The following KCNN1 variants were observed in gnomAD, a reference collection of about 807,000 sequenced individuals.
The protein encoded by KCNN1 is small conductance calcium-activated potassium channel protein 1.
In KCNN1, 20 loss-of-function variants were observed where a neutral mutation model predicts 44.7. The observed-to-expected ratio is 0.45, with a 90% confidence interval of 0.32 to 0.65. The LOEUF (loss-of-function observed/expected upper bound fraction) is 0.65. Among genes scored for constraint, KCNN1 ranks in the 30% least tolerant of loss-of-function variants. The probability of loss-of-function intolerance (pLI) is 0.05; values close to 1 mark genes in which losing one functional copy is unlikely to be tolerated. For synonymous variants in KCNN1, 324 were observed against 341.7 expected (o/e 0.95, Z 0.57); for missense variants, 632 against 785.3 (o/e 0.80, Z 2.33).
At chr19:17,982,758 G>T (rs999638464) in intron 4 of KCNN1, among the ~76,000 whole-genome samples, 9 of 152,196 alleles carry the variant, frequency 5.9e-5, no homozygotes, top group Non-Finnish European at 5.9e-5. Context: ...TCCACTGGGC[G>T]TCCTCTCCGA....
chr19:17,974,307 C>A lies in KCNN1; in HGVS notation c.402+17C>A. ...TACACCAAGGTAGGCGTGGTCCTCCCCCAGGCACTCCAGGGAGGTTCCACC... is the reference window on the plus strand; with the variant it reads ...TACACCAAGGTAGGCGTGGTCCTCCACCAGGCACTCCAGGGAGGTTCCACC... On this transcript the variant is annotated intron_variant, in intron 2 of 9. Coordinates refer to ENST00000684775, the MANE Select transcript of KCNN1 (RefSeq NM_001386974.1). This position sits in a 1 kb window ranked among gnomAD's most constrained non-coding sequence, Gnocchi z 7.3. 1 of 1,539,402 alleles carries A rather than the reference C, an allele frequency of 6.5e-7. No individual in the cohort carries two copies.
intron 1 of KCNN1, among the ~76,000 whole-genome samples, chr19:17,970,753 G>A (rs949330803): frequency 6.6e-6 from 1 of 152,040 alleles, no homozygotes; most frequent in East Asian, 1.9e-4. Flanking sequence ...GCACTCCTGT[G>A]TGCTGACACC....
chr19:17,984,364 G>A (rs1226948702), intron 4 of KCNN1, among the ~76,000 whole-genome samples: 1 of 152,136 alleles, frequency 6.6e-6, no homozygotes, highest in Non-Finnish European at 1.5e-5. Flanking sequence ...ACTGTGCCTG[G>A]CACAGGCCTC....
intron 7 of KCNN1, among the ~76,000 whole-genome samples, chr19:17,990,742 G>GT (rs1226161306): frequency 6.8e-6 from 1 of 147,798 alleles, no homozygotes; most frequent in African/African-American, 2.5e-5. Context: ...GGAGCTCGCA[G>GT]TAAGCTGAGA....
At chr19:17,961,042 C>T (rs555787244) in intron 2 of KCNN1, among the ~76,000 whole-genome samples, 12 of 151,854 alleles carry the variant, frequency 7.9e-5, no homozygotes, top group Non-Finnish European at 1.2e-4. Flanking sequence ...AAAAATTAGC[C>T]GGCTGTGGTG....
At chr19:17,990,799 C>CAAA (rs1252211442) in intron 7 of KCNN1, among the ~76,000 whole-genome samples, 2 of 54,860 alleles carry the variant, frequency 3.6e-5, no homozygotes, top group Non-Finnish European at 3.8e-5. Context: ...GACTCTGTCT[C>CAAA]AAAAAAAAAA....
intron 9 of KCNN1, among the ~76,000 whole-genome samples, chr19:17,996,555 G>A (rs973254969): frequency 2.3e-4 from 35 of 152,116 alleles, no homozygotes; most frequent in Non-Finnish European, 4.3e-4. Context: ...GCAGTGAGCC[G>A]AGATCATGCC....
At chr19:17,975,217 C>A in intron 3 of KCNN1, 30 bp downstream of exon 3, 1 of 1,548,338 alleles carries the variant, frequency 6.5e-7, no homozygotes, top group Non-Finnish European at 8.9e-7. Context: ...GGAAGCAGCT[C>A]CTCTCCTCAA....
intron 3 of KCNN1, among the ~76,000 whole-genome samples, chr19:17,979,149 A>AG (rs1485139125): frequency 6.6e-6 from 1 of 150,830 alleles, no homozygotes; most frequent in East Asian, 2.0e-4. Context: ...TTAAAAAAAA[A>AG]AAAAAAAAAA....
At chr19:17,971,663 C>G (rs2145922633) in intron 1 of KCNN1, among the ~76,000 whole-genome samples, 1 of 151,780 alleles carries the variant, frequency 6.6e-6, no homozygotes, top group East Asian at 2.0e-4. Flanking sequence ...GGGGTTTCAC[C>G]ATGTTGGTCA....
chr19:17,990,145 G>A, intron 7 of KCNN1: 1 of 529,668 alleles, frequency 1.9e-6, no homozygotes, highest in South Asian at 1.5e-5. Context: ...TGTCTGCCAG[G>A]AGGCTCATAG....
chr19:17,967,288 T>G lies in KCNN1; in HGVS notation c.-111T>G. ...GCGCGGGACCCTCTCCCCTCCAGCC[T>G]TGTCCGCCCGCTCGGGCCGAGCCCC... On this transcript the variant is annotated 5_prime_UTR_variant, in exon 1 of 10. Coordinates refer to ENST00000684775, the MANE Select transcript of KCNN1 (RefSeq NM_001386974.1). The G allele has an allele frequency of 2.0e-6, 2 of 985,114 alleles. No individual in the cohort carries two copies. Among genetic ancestry groups the G allele is most frequent in the Non-Finnish European group, 2.4e-6 (2 of 829,730 alleles). The allele number at this position is 985,114 out of a possible 1,614,324, so 61.0% of individuals were successfully genotyped here.
chr19:17,959,381 C>T (rs2031625992), intron 2 of KCNN1, among the ~76,000 whole-genome samples: 1 of 151,976 alleles, frequency 6.6e-6, no homozygotes, highest in Admixed American at 6.6e-5. Flanking sequence ...CCTCAGGCTC[C>T]TGAGTAGCTG....
At position 17,973,713 on chromosome 19, in the gene KCNN1, A is replaced by C. The variant is rs546874575; in HGVS notation, c.-81-95A>C. ...CGTGTCAGCACTCTGGGCCACTCCC[A>C]AACTTAGAACGTTCTGGGTTGGCCG... On this transcript the variant is annotated intron_variant, in intron 1 of 9. Transcript: ENST00000684775. 4.3e-5 allele frequency: 60 copies of C among 1,396,438 alleles called. No individual in the cohort carries two copies. The East Asian group carries it at 1.4e-3, about 32-fold the overall frequency. 86.5% of individuals were successfully genotyped at this position (1,396,438 alleles called of 1,614,324 possible).
At position 17,983,800 on chromosome 19, in the gene KCNN1, C is replaced by T. The variant is rs548365297; in HGVS notation, c.918-1512C>T. Among the ~76,000 whole-genome samples the T allele has an allele frequency of 6.7e-6, 1 of 149,388 alleles. No individual in the cohort carries two copies. The highest frequency in any genetic ancestry group is 2.4e-5 in the African/African-American group (1 of 41,236). On this transcript the variant is annotated intron_variant, in intron 4 of 9. Transcript: ENST00000684775. This position sits in a 1 kb window ranked among gnomAD's most constrained non-coding sequence, Gnocchi z 4.5. ...TCACCCACCCACCGACTAGAGGGCACCCCCCCGCCCCTCCTGCCCTCTGGG... is the reference window on the plus strand; with the variant it reads ...TCACCCACCCACCGACTAGAGGGCATCCCCCCGCCCCTCCTGCCCTCTGGG...
chr19:17,967,311 C>G lies in KCNN1; in HGVS notation c.-88C>G, dbSNP rs1049788054. 1.0e-6 allele frequency: 1 copy of G among 985,248 alleles called. No individual in the cohort carries two copies. Among genetic ancestry groups the G allele is most frequent in the African/African-American group, 1.7e-5 (1 of 57,216 alleles). The allele number at this position is 985,248 out of a possible 1,614,324, so 61.0% of individuals were successfully genotyped here. A position where few individuals can be genotyped will look rare whatever the true frequency, so the allele number is the denominator to read the frequency against. On this transcript the variant is annotated 5_prime_UTR_variant, in exon 1 of 10. Transcript: ENST00000684775. ...CCTTGTCCGCCCGCTCGGGCCGAGC[C>G]CCGCAGGTACAGGGTGGGATGGGTG...
rs1414579786 is a variant in KCNN1 at position 17,979,104 on chromosome 19, C to A, written c.499-2605C>A. Among the ~76,000 whole-genome samples the A allele has an allele frequency of 2.2e-5, 3 of 137,216 alleles. No homozygotes were observed. In the East Asian group the frequency reaches 6.5e-4, roughly 30 times the overall value. The allele number at this position is 137,216 out of a possible 152,430, so 90.0% of individuals were successfully genotyped here. A position where few individuals can be genotyped will look rare whatever the true frequency, so the allele number is the denominator to read the frequency against. On this transcript the variant is annotated intron_variant, in intron 3 of 9. Coordinates refer to ENST00000684775, the MANE Select transcript of KCNN1 (RefSeq NM_001386974.1). ...AAACAAACAAACAACAAAATGGAGG[C>A]AGTATGGACAGTAACATAGCAAGAC... is the stretch of plus-strand genomic sequence containing the variant.
intron 7 of KCNN1, among the ~76,000 whole-genome samples, chr19:17,992,363 G>T (rs2032824000): frequency 6.6e-6 from 1 of 151,882 alleles, no homozygotes; most frequent in South Asian, 2.1e-4. Flanking sequence ...CCTTTTGGAG[G>T]CTGAGACGGG....
At chr19:17,956,217 C>T (rs761907630) in intron 2 of KCNN1, among the ~76,000 whole-genome samples, 1 of 152,142 alleles carries the variant, frequency 6.6e-6, no homozygotes, top group Non-Finnish European at 1.5e-5. Flanking sequence ...GGATTGCAGG[C>T]GTGAGCCACT....
Sources: gnomAD v4.1 joint callset for allele counts (sites outside exome capture counted in the v4.1 genomes callset) on GRCh38, gnomAD v4.1.1 for gene constraint, Gnocchi (gnomAD v3.1) non-coding constraint, MANE v1.5 for transcripts, NCBI Gene and HGNC (gene_info 2026-07-23, HGNC 2026-07-21) for gene names.